RBFOX1: variants seen among roughly 807,000 people sequenced by gnomAD.
RBFOX1 encodes the protein RNA binding fox-1 homolog 1.
In RBFOX1, 8 loss-of-function variants were observed where a neutral mutation model predicts 57.7. The observed-to-expected ratio is 0.14, with a 90% CI of 0.08 to 0.25. The LOEUF (loss-of-function observed/expected upper bound fraction) is 0.25. Among genes scored for constraint, RBFOX1 ranks in the 10% least tolerant of loss-of-function variants. RBFOX1 has a pLI of 1.00. For missense variants in RBFOX1, 611 were observed against 548.5 expected (o/e 1.11, Z -1.14); for synonymous variants, 326 against 222.4 (o/e 1.47, Z -4.15).
intron 4 of RBFOX1, among the ~76,000 whole-genome samples, chr16:7,376,772 A>C (rs1200266226): frequency 6.6e-6 from 1 of 152,216 alleles, no homozygotes; most frequent in African/African-American, 2.4e-5. Context: ...ACGTCAGTGC[A>C]GAAACTGAGT....
At chr16:5,403,943 C>A (rs1046848541) in intron 1 of RBFOX1, among the ~76,000 whole-genome samples, 133 of 151,532 alleles carry the variant, frequency 8.8e-4, no homozygotes, top group African/African-American at 3.2e-3. Context: ...GAAGACACCT[C>A]TGGGGAGGGA....
intron 4 of RBFOX1, among the ~76,000 whole-genome samples, chr16:7,351,380 G>C (rs886988543): frequency 3.3e-5 from 5 of 152,240 alleles, no homozygotes; most frequent in African/African-American, 1.2e-4. Context: ...TCACCACTAC[G>C]TGCAAGGCAC....
intron 2 of RBFOX1, among the ~76,000 whole-genome samples, chr16:6,641,547 C>T (rs891778329): frequency 6.6e-6 from 1 of 151,848 alleles, no homozygotes; most frequent in Non-Finnish European, 1.5e-5. Context: ...CAAGACCAGG[C>T]AACAAAGTGA....
intron 1 of RBFOX1, among the ~76,000 whole-genome samples, chr16:5,255,680 C>A (rs1010728709): frequency 9.2e-5 from 14 of 151,902 alleles, no homozygotes; most frequent in African/African-American, 3.1e-4. Context: ...GCCCACCCAC[C>A]CATCTATCCA....
At chr16:7,645,842 A>C (rs1463254578) in intron 11 of RBFOX1, among the ~76,000 whole-genome samples, 3 of 152,188 alleles carry the variant, frequency 2.0e-5, no homozygotes, top group Non-Finnish European at 4.4e-5. Context: ...TTCAGGGATA[A>C]ATGTATGTGT....
intron 3 of RBFOX1, among the ~76,000 whole-genome samples, chr16:6,712,163 T>C (rs1281088249): frequency 6.6e-6 from 1 of 152,210 alleles, no homozygotes; most frequent in Non-Finnish European, 1.5e-5. Context: ...AGGTGCTCAA[T>C]GAACAGTAGC....
Position 5,672,109 on chromosome 16 carries a change from T to C in RBFOX1, c.318+73148T>C, listed in dbSNP as rs546766567. ...CTGGTTAGAGGTTTATGTCTCTTGG[T>C]ATGTTTTAGAGTCATTCTCTCAGTC... is the stretch of plus-strand genomic sequence containing the variant. On this transcript the variant is annotated intron_variant, in intron 3 of 19. Coordinates refer to the RBFOX1 transcript ENST00000641259. Among the ~76,000 whole-genome samples the C allele has an allele frequency of 6.6e-5, 10 of 152,258 alleles. No homozygotes were observed. In the South Asian group the frequency reaches 2.1e-3, roughly 32 times the overall value.
intron 4 of RBFOX1, among the ~76,000 whole-genome samples, chr16:7,201,228 A>T (rs1410880710): frequency 6.6e-6 from 1 of 152,184 alleles, no homozygotes; most frequent in East Asian, 1.9e-4. Flanking sequence ...AAACATCCCA[A>T]ACCAAAGGAA....
chr16:5,855,430 C>G lies in RBFOX1; in HGVS notation c.319-11873C>G, dbSNP rs1256470556. Among the ~76,000 whole-genome samples, 8 of 152,090 alleles carry G rather than the reference C, an allele frequency of 5.3e-5. No individual in the cohort carries two copies. In the East Asian group the frequency reaches 1.5e-3, roughly 29 times the overall value. On this transcript the variant is annotated intron_variant, in intron 3 of 19. Transcript: ENST00000641259. The stretch of plus-strand genomic sequence containing the variant: ...TGTGAAATAAGGATTCAATTATATT[C>G]TTTTGCCTGTGGATATCCAGTTTTC...
intron 4 of RBFOX1, among the ~76,000 whole-genome samples, chr16:7,216,199 T>C (rs577851436): frequency 1.3e-5 from 2 of 152,326 alleles, no homozygotes; most frequent in East Asian, 3.9e-4. Context: ...ATAATTGGGT[T>C]GTTTCCACTT....
At chr16:5,634,668 C>T (rs1168910004) in intron 3 of RBFOX1, among the ~76,000 whole-genome samples, 4 of 152,066 alleles carry the variant, frequency 2.6e-5, no homozygotes, top group African/African-American at 9.7e-5. Flanking sequence ...CACTCGGAGT[C>T]AAAGAAGAGT....
In RBFOX1 at chr16:7,468,973, A is replaced by T. The variant is rs577946963; in HGVS notation, c.28-49174A>T. Among the ~76,000 whole-genome samples the T allele has an allele frequency of 7.2e-5, 11 of 151,856 alleles. No homozygotes were observed. In the South Asian group the frequency reaches 2.1e-3, roughly 29 times the overall value. ...TTTTGAGGCAGAGTCTCATTCTGTC[A>T]CCCAGGCTGGAGTGCAGTGTTGCCA... is the stretch of plus-strand genomic sequence containing the variant. On this transcript the variant is annotated intron_variant, in intron 4 of 15. Transcript: ENST00000550418.
chr16:6,970,075 G>T (rs761824944), intron 3 of RBFOX1, among the ~76,000 whole-genome samples: 4 of 152,228 alleles, frequency 2.6e-5, no homozygotes, highest in Middle Eastern at 3.4e-3. Flanking sequence ...CTACTTGGGA[G>T]GCTGAGGCAG....
chr16:7,048,461 G>A (rs1045766396), intron 3 of RBFOX1, among the ~76,000 whole-genome samples: 3 of 151,608 alleles, frequency 2.0e-5, no homozygotes, highest in Non-Finnish European at 2.9e-5. Flanking sequence ...GGGTTTCATC[G>A]TATTAGCCAG....
chr16:6,689,377 A>G (rs565104035), intron 3 of RBFOX1, among the ~76,000 whole-genome samples: 1 of 152,318 alleles, frequency 6.6e-6, no homozygotes, highest in South Asian at 2.1e-4. Context: ...ATATATGAAA[A>G]TCTAGATTTA....
chr16:5,505,484 C>T (rs1474028454), intron 2 of RBFOX1, among the ~76,000 whole-genome samples: 2 of 152,092 alleles, frequency 1.3e-5, no homozygotes, highest in African/African-American at 2.4e-5. Context: ...CCTGAGATTC[C>T]AGGGGTGCCC....
At chr16:7,242,042 T>C (rs942991370) in intron 4 of RBFOX1, among the ~76,000 whole-genome samples, 4 of 152,128 alleles carry the variant, frequency 2.6e-5, no homozygotes, top group Non-Finnish European at 5.9e-5. Flanking sequence ...GACCACTAGA[T>C]GCTATTACCA....
At chr16:5,749,888 G>T (rs1193636179) in intron 3 of RBFOX1, among the ~76,000 whole-genome samples, 1 of 152,214 alleles carries the variant, frequency 6.6e-6, no homozygotes, top group African/African-American at 2.4e-5. Context: ...TCTCCGTCTA[G>T]CTTTTTTCCA....
At chr16:7,111,367 C>T (rs2064734558) in intron 4 of RBFOX1, among the ~76,000 whole-genome samples, 1 of 152,168 alleles carries the variant, frequency 6.6e-6, no homozygotes, top group Non-Finnish European at 1.5e-5. Flanking sequence ...TTTTCCCTAC[C>T]ATTTTTTCCT....
Sources: gnomAD v4.1 joint callset for allele counts (sites outside exome capture counted in the v4.1 genomes callset) on GRCh38, gnomAD v4.1.1 for gene constraint, MANE v1.5 for transcripts, NCBI Gene and HGNC (gene_info 2026-07-23, HGNC 2026-07-21) for gene names.